Variants in SNX25 observed in about 807,000 individuals in gnomAD.
The protein encoded by SNX25 is sorting nexin-25.
Under a neutral mutation model 113.7 loss-of-function variants are expected in SNX25, and 62 were observed. The ratio of observed to expected loss-of-function variants is 0.55; its 90% CI spans 0.44 to 0.67. SNX25 has a LOEUF of 0.67. SNX25 is among the 30% of genes least tolerant of loss of function. SNX25 has a pLI of 0.00. For missense variants in SNX25, 1,014 were observed against 1,161.0 expected (o/e 0.87, Z 1.84); for synonymous variants, 421 against 436.2 (o/e 0.97, Z 0.43).
At chr4:185,315,413 C>A (rs191459573) in intron 7 of SNX25, among the ~76,000 whole-genome samples, 29 of 151,176 alleles carry the variant, frequency 1.9e-4, no homozygotes, top group African/African-American at 7.0e-4. Context: ...CCTCCCTCAG[C>A]CTCCCGAGTA....
At chr4:185,223,136 C>T (rs1051900292) in intron 1 of SNX25, among the ~76,000 whole-genome samples, 1 of 152,108 alleles carries the variant, frequency 6.6e-6, no homozygotes, top group Admixed American at 6.5e-5. Context: ...TTTGTATCTC[C>T]ACCCCAATAT....
At chr4:185,220,715 T>C (rs1413856092) in intron 1 of SNX25, among the ~76,000 whole-genome samples, 8 of 152,036 alleles carry the variant, frequency 5.3e-5, no homozygotes, top group Admixed American at 1.3e-4. Context: ...CTCCTGACCT[T>C]GTGATCCGCC....
intron 1 of SNX25, among the ~76,000 whole-genome samples, chr4:185,212,599 C>T (rs997475816): frequency 2.0e-5 from 3 of 151,330 alleles, no homozygotes; most frequent in Non-Finnish European, 2.9e-5. Flanking sequence ...CCTGCCTCAG[C>T]CTCCCAAAGG....
intron 13 of SNX25, among the ~76,000 whole-genome samples, chr4:185,347,661 G>A (rs181663934): frequency 3.3e-4 from 50 of 152,164 alleles, no homozygotes; most frequent in Middle Eastern, 3.4e-3. Flanking sequence ...AGTAGAGACG[G>A]GGTTTCTCCG....
intron 15 of SNX25, among the ~76,000 whole-genome samples, chr4:185,356,552 C>T (rs553937771): frequency 1.1e-4 from 16 of 152,194 alleles, no homozygotes; most frequent in African/African-American, 3.1e-4. Flanking sequence ...CTTGACTTTA[C>T]GTGAAGAATT....
chr4:185,288,193 T>A, intron 6 of SNX25, 111 bp downstream of exon 6: 1 of 713,680 alleles, frequency 1.4e-6, no homozygotes, highest in Non-Finnish European at 2.4e-6. Context: ...GGCTTACATT[T>A]AAATATTTCA....
chr4:185,330,791 C>G (rs1561021122), intron 9 of SNX25, among the ~76,000 whole-genome samples: 1 of 149,010 alleles, frequency 6.7e-6, no homozygotes, highest in Non-Finnish European at 1.5e-5. Context: ...CATATACATT[C>G]TTTTTTTTTT....
At chr4:185,374,309 G>A, downstream of SNX25, 1 of 1,613,954 alleles carries the variant, frequency 6.2e-7, no homozygotes, top group Non-Finnish European at 8.5e-7. Context: ...TTGTTCTCAG[G>A]TAGGATTACC....
chr4:185,210,206 C>T lies in SNX25; in HGVS notation c.380C>T (p.Ala127Val). 3 of 984,752 alleles carry T rather than the reference C, an allele frequency of 3.0e-6. No individual in the cohort carries two copies. Among genetic ancestry groups the T allele is most frequent in the Non-Finnish European group, 3.6e-6 (3 of 829,970 alleles). 61.0% of individuals were successfully genotyped at this position (984,752 alleles called of 1,614,324 possible). The change falls in exon 1 of 19, where the codon GCC (alanine) becomes GTC (valine). Residue 127 changes from alanine (A) to valine (V), a missense_variant. Physicochemically the swap from Ala to Val is moderately conservative, Grantham distance 64. Coordinates refer to ENST00000652585, the MANE Select transcript of SNX25 (RefSeq NM_001378034.2). The surrounding 1 kb of genome is among the most constrained non-coding windows in gnomAD (Gnocchi z 4.4). The stretch of plus-strand genomic sequence containing the variant: ...CGCGCCCAGCCGCCCGACTTCGCCG[C>T]CGCCTGGAGCCGGCTGGCCGCGACC... ...SPRAQPPDFA[A>V]AWSRLAATSA...
chr4:185,343,578 A>G (rs1009471662), intron 12 of SNX25, among the ~76,000 whole-genome samples: 2 of 152,236 alleles, frequency 1.3e-5, no homozygotes, highest in Admixed American at 1.3e-4. Context: ...GGACATGTAC[A>G]TAGTGGCTAA....
At chr4:185,269,249 C>G (rs913715907) in intron 5 of SNX25, among the ~76,000 whole-genome samples, 7 of 152,066 alleles carry the variant, frequency 4.6e-5, no homozygotes, top group Non-Finnish European at 8.8e-5. Flanking sequence ...TCTCCTCTCC[C>G]TAAAACTGTA....
intron 7 of SNX25, among the ~76,000 whole-genome samples, chr4:185,317,137 A>G (rs1042746851): frequency 2.0e-5 from 3 of 152,152 alleles, no homozygotes; most frequent in Admixed American, 2.0e-4. Flanking sequence ...GAAAAAAACA[A>G]CCCCATCAAA....
chr4:185,256,739 C>T (rs1310213424), intron 2 of SNX25, among the ~76,000 whole-genome samples: 3 of 151,484 alleles, frequency 2.0e-5, no homozygotes, highest in Non-Finnish European at 4.4e-5. Flanking sequence ...GATCCTCCCA[C>T]CTCAGCCCCA....
At chr4:185,239,235 A>C (rs1168277377) in intron 1 of SNX25, among the ~76,000 whole-genome samples, 1 of 144,586 alleles carries the variant, frequency 6.9e-6, no homozygotes, top group Admixed American at 7.1e-5. Context: ...TAATCCCAGC[A>C]CTTTGGGAGG....
intron 12 of SNX25, among the ~76,000 whole-genome samples, chr4:185,346,031 G>A (rs1473242699): frequency 6.6e-6 from 1 of 152,034 alleles, no homozygotes; most frequent in African/African-American, 2.4e-5. Flanking sequence ...CTAATTTTTT[G>A]TATTTTTAGT....
chr4:185,239,353 G>A (rs763769780), intron 1 of SNX25, among the ~76,000 whole-genome samples: 2 of 151,970 alleles, frequency 1.3e-5, no homozygotes, highest in Non-Finnish European at 2.9e-5. Flanking sequence ...CGTGGTGGTG[G>A]GCACCTGTAG....
chr4:185,275,946 C>T (rs1459719400), intron 5 of SNX25, among the ~76,000 whole-genome samples: 2 of 152,286 alleles, frequency 1.3e-5, no homozygotes, highest in East Asian at 1.9e-4. Context: ...ATGAAAAATA[C>T]TCTAAAAGAT....
At chr4:185,264,685 G>A (rs1469780454) in intron 4 of SNX25, 75 bp downstream of exon 4, 17 of 1,428,740 alleles carry the variant, frequency 1.2e-5, no homozygotes, top group East Asian at 2.3e-5. Flanking sequence ...CTTGTTTACT[G>A]TTGAACATAT....
chr4:185,280,137 C>G (rs1028100747), intron 5 of SNX25, among the ~76,000 whole-genome samples: 1 of 152,092 alleles, frequency 6.6e-6, no homozygotes, highest in African/African-American at 2.4e-5. Context: ...ATTATGTTGC[C>G]CAGGCTGGTC....
Sources: allele counts gnomAD v4.1 joint callset (sites outside exome capture counted in the v4.1 genomes callset), GRCh38; gene constraint gnomAD v4.1.1; non-coding constraint Gnocchi (gnomAD v3.1); transcripts MANE v1.5; gene names NCBI Gene and HGNC (gene_info 2026-07-23, HGNC 2026-07-21).